Variants in ADGRL2 observed in about 807,000 individuals in gnomAD.
ADGRL2 encodes calcium-independent alpha-latrotoxin receptor 2.
A neutral mutation model predicts 157.4 loss-of-function variants in ADGRL2; 44 were observed. The observed-to-expected ratio is 0.28, with a 90% CI of 0.22 to 0.36. ADGRL2 has a LOEUF of 0.36. Among genes scored for constraint, ADGRL2 ranks in the 10% least tolerant of loss-of-function variants. The probability of loss-of-function intolerance (pLI) is 1.00; values close to 1 mark genes in which losing one functional copy is unlikely to be tolerated. For synonymous variants in ADGRL2, 585 were observed against 624.7 expected, an observed-to-expected ratio of 0.94 and a Z score of 0.95; for missense variants, 1,510 against 1,768.9, an observed-to-expected ratio of 0.85 and a Z score of 2.63.
At chr1:81,325,399 C>A (rs1660826184) in intron 1 of ADGRL2, among the ~76,000 whole-genome samples, 1 of 152,128 alleles carries the variant, frequency 6.6e-6, no homozygotes, top group Non-Finnish European at 1.5e-5. Context: ...TGTTGAATTT[C>A]AGCTATAAAG....
intron 3 of ADGRL2, among the ~76,000 whole-genome samples, chr1:81,595,369 T>C (rs899420777): frequency 7.9e-5 from 12 of 152,182 alleles, no homozygotes; most frequent in African/African-American, 2.7e-4. Context: ...AATTGAAAGA[T>C]TGTGAACAAT....
At chr1:81,508,142 C>T (rs2079012360) in intron 2 of ADGRL2, among the ~76,000 whole-genome samples, 1 of 152,182 alleles carries the variant, frequency 6.6e-6, no homozygotes, top group Admixed American at 6.5e-5. Flanking sequence ...CATGGAATCA[C>T]TGAAATAACA....
At chr1:81,681,163 G>C (rs2083105136) in intron 3 of ADGRL2, among the ~76,000 whole-genome samples, 1 of 152,192 alleles carries the variant, frequency 6.6e-6, no homozygotes, top group Non-Finnish European at 1.5e-5. Flanking sequence ...TCTTAAATCT[G>C]TAAGAGAAAG....
At position 81,582,176 on chromosome 1, in the gene ADGRL2, C is replaced by T. The variant is rs201327934; in HGVS notation, c.-143+1196C>T. ...TGGAGCTTGCGGTGAGCCAAGATCACGCCACTACACTCCAGGCTGGGAGAC... is the reference window on the plus strand; with the variant it reads ...TGGAGCTTGCGGTGAGCCAAGATCATGCCACTACACTCCAGGCTGGGAGAC... On this transcript the variant is annotated intron_variant, in intron 3 of 24. Coordinates refer to the ADGRL2 transcript ENST00000370721. 7.3e-4 allele frequency among the ~76,000 whole-genome samples: 111 copies of T among 152,030 alleles called. 1 individual carries two copies. Among genetic ancestry groups the T allele is most frequent in the African/African-American group, 1.7e-3 (71 of 41,480 alleles).
chr1:81,944,199 G>A (rs1316798336), intron 6 of ADGRL2, among the ~76,000 whole-genome samples: 8 of 152,026 alleles, frequency 5.3e-5, no homozygotes, highest in Non-Finnish European at 1.2e-4. Flanking sequence ...AGATATATGC[G>A]TTCTAAAGTT....
intron 3 of ADGRL2, among the ~76,000 whole-genome samples, chr1:81,629,639 T>C (rs757173825): frequency 4.6e-5 from 7 of 151,590 alleles, no homozygotes; most frequent in Non-Finnish European, 5.9e-5. Context: ...AGAGGAATAT[T>C]TGTTGTTAAA....
chr1:81,959,632 A>G (rs1298011974), intron 11 of ADGRL2, among the ~76,000 whole-genome samples: 2 of 152,136 alleles, frequency 1.3e-5, no homozygotes, highest in African/African-American at 4.8e-5. Flanking sequence ...CTTTATATGG[A>G]TATATCCCAT....
chr1:81,393,168 TAGAG>T (rs1348039589), intron 1 of ADGRL2, among the ~76,000 whole-genome samples: 1 of 152,080 alleles, frequency 6.6e-6, no homozygotes, highest in African/African-American at 2.4e-5. Flanking sequence ...ACTCTCTCAT[TAGAG>T]AGGAGATAAA....
intron 3 of ADGRL2, among the ~76,000 whole-genome samples, chr1:81,909,102 C>T (rs746151003): frequency 6.6e-6 from 1 of 152,160 alleles, no homozygotes; most frequent in South Asian, 2.1e-4. Flanking sequence ...TCTCAAACTC[C>T]CAACCTCAGG....
intron 3 of ADGRL2, among the ~76,000 whole-genome samples, chr1:81,634,597 C>A (rs562396803): frequency 6.6e-6 from 1 of 150,964 alleles, no homozygotes; most frequent in South Asian, 2.1e-4. Flanking sequence ...TGCAGTGGTG[C>A]GATCTTGGCT....
At chr1:81,710,625 T>C (rs376405851) in intron 1 of ADGRL2, among the ~76,000 whole-genome samples, 3 of 68,648 alleles carry the variant, frequency 4.4e-5, no homozygotes, top group Non-Finnish European at 9.6e-5. Context: ...GCTCAAAAAA[T>C]TAAAAAAAAA....
intron 2 of ADGRL2, among the ~76,000 whole-genome samples, chr1:81,768,006 T>G (rs930167179): frequency 6.6e-6 from 1 of 152,130 alleles, no homozygotes; most frequent in Non-Finnish European, 1.5e-5. Flanking sequence ...TTTCTCTATA[T>G]CCTAGCTAGC....
intron 3 of ADGRL2, among the ~76,000 whole-genome samples, chr1:81,650,098 T>C (rs2082385050): frequency 6.6e-6 from 1 of 152,106 alleles, no homozygotes; most frequent in Non-Finnish European, 1.5e-5. Flanking sequence ...GAATTTTATT[T>C]CAGTGTATAT....
chr1:81,973,033 CG>C (rs1219824417), intron 17 of ADGRL2, among the ~76,000 whole-genome samples: 1 of 151,036 alleles, frequency 6.6e-6, no homozygotes, highest in East Asian at 2.0e-4. Flanking sequence ...TTTTCAAAAA[CG>C]TAACACAAAT....
rs1557886445 is a variant in ADGRL2 at position 81,907,238 on chromosome 1, T to G, written c.287+8T>G. On this transcript the variant is annotated splice_region_variant and intron_variant, in intron 3 of 23. Coordinates refer to ENST00000686636, the MANE Select transcript of ADGRL2 (RefSeq NM_001366006.2). ...CAAAATTATGACTCAAAGGTAAATA[T>G]TCATGTGTTAATGTCCCATTTGAGC... 1 of 1,607,864 alleles carries G rather than the reference T, an allele frequency of 6.2e-7. No individual in the cohort carries two copies. Among genetic ancestry groups the G allele is most frequent in the African/African-American group, 1.3e-5 (1 of 74,784 alleles).
chr1:81,389,169 CA>C (rs1180380745), intron 1 of ADGRL2, among the ~76,000 whole-genome samples: 1 of 152,092 alleles, frequency 6.6e-6, no homozygotes, highest in Non-Finnish European at 1.5e-5. Flanking sequence ...TAGTTGTTTT[CA>C]GCATGAAAAT....
chr1:81,517,402 T>C (rs1217390819), intron 2 of ADGRL2, among the ~76,000 whole-genome samples: 1 of 142,090 alleles, frequency 7.0e-6, no homozygotes, highest in Non-Finnish European at 1.5e-5. Context: ...GAGGTGGAGG[T>C]TGCAGTGAGC....
At chr1:81,417,635 G>A (rs2077054881) in intron 1 of ADGRL2, among the ~76,000 whole-genome samples, 1 of 152,126 alleles carries the variant, frequency 6.6e-6, no homozygotes, top group African/African-American at 2.4e-5. Context: ...TATATTACTA[G>A]GCTCTACTTG....
At chr1:81,798,993 A>G (rs1165716383), upstream of ADGRL2, among the ~76,000 whole-genome samples, 1 of 152,176 alleles carries the variant, frequency 6.6e-6, no homozygotes, top group East Asian at 1.9e-4. Context: ...AATGCAAGTT[A>G]CTATCAGTTT....
Sources: gnomAD v4.1 joint callset for allele counts (sites outside exome capture counted in the v4.1 genomes callset) on GRCh38, gnomAD v4.1.1 for gene constraint, MANE v1.5 for transcripts, NCBI Gene and HGNC (gene_info 2026-07-23, HGNC 2026-07-21) for gene names.